The following PI4KA variants were observed in gnomAD, a reference collection of about 807,000 sequenced individuals.
PI4KA encodes PI4-kinase alpha.
PI4KA carries 122 observed loss-of-function variants against 271.4 expected under a neutral mutation model. The observed-to-expected ratio is 0.45, with a 90% confidence interval of 0.39 to 0.52. The LOEUF (loss-of-function observed/expected upper bound fraction) is 0.52, where lower values mean the gene tolerates loss of function less well. PI4KA is among the 20% of genes least tolerant of loss of function. PI4KA has a pLI of 0.00. For missense variants in PI4KA, 1,969 were observed against 2,769.1 expected (o/e 0.71, Z 6.48); for synonymous variants, 1,041 against 1,078.8 (o/e 0.96, Z 0.69).
At chr22:20,747,481 T>C in intron 29 of PI4KA, 102 bp downstream of exon 29, 1 of 1,248,942 alleles carries the variant, frequency 8.0e-7, no homozygotes, top group Non-Finnish European at 1.1e-6. Context: ...CTGCATGTAC[T>C]CATGTGCGTC....
chr22:20,831,602 C>CAAA (rs1432324213), intron 3 of PI4KA, among the ~76,000 whole-genome samples: 3 of 104,398 alleles, frequency 2.9e-5, no homozygotes, highest in Non-Finnish European at 6.1e-5. Context: ...AAAACAAAAA[C>CAAA]AAAAACAAAA....
At chr22:20,750,428 T>C (rs1374693900) in intron 27 of PI4KA, among the ~76,000 whole-genome samples, 1 of 152,348 alleles carries the variant, frequency 6.6e-6, no homozygotes, top group East Asian at 1.9e-4. Flanking sequence ...TCAAGACCTT[T>C]CAAGCTGCCC....
chr22:20,767,936 A>AATTATTATTATTATT (rs58742158), intron 19 of PI4KA, among the ~76,000 whole-genome samples: 78 of 141,542 alleles, frequency 5.5e-4, no homozygotes, highest in Non-Finnish European at 8.2e-4. Flanking sequence ...CACCTGGCCT[A>AATTATTATTATTATT]ATTATTATTA....
At chr22:20,759,402 C>CTTTTTTTT (rs886192073) in intron 23 of PI4KA, among the ~76,000 whole-genome samples, 21 of 102,898 alleles carry the variant, frequency 2.0e-4, no homozygotes, top group Admixed American at 4.5e-4. Context: ...CTTTTCTTTT[C>CTTTTTTTT]TTTTTTTTTT....
chr22:20,777,707 A>G (rs1325169253), intron 19 of PI4KA, among the ~76,000 whole-genome samples: 1 of 152,230 alleles, frequency 6.6e-6, no homozygotes. Flanking sequence ...TGTCTGAGTC[A>G]GCATTATAAA....
At chr22:20,716,457 C>A (rs1438501028) in intron 45 of PI4KA, among the ~76,000 whole-genome samples, 1 of 152,214 alleles carries the variant, frequency 6.6e-6, no homozygotes, top group Non-Finnish European at 1.5e-5. Flanking sequence ...GGGATGTGTG[C>A]TCCTTGAGCC....
At chr22:20,803,799 T>C (rs1308293821) in intron 12 of PI4KA, among the ~76,000 whole-genome samples, 1 of 152,138 alleles carries the variant, frequency 6.6e-6, no homozygotes, top group African/African-American at 2.4e-5. Context: ...ATTACAGGAG[T>C]GAGCAACCGT....
intron 19 of PI4KA, among the ~76,000 whole-genome samples, chr22:20,791,285 T>C (rs750426107): frequency 5.3e-5 from 8 of 152,236 alleles, no homozygotes; most frequent in Non-Finnish European, 1.2e-4. Flanking sequence ...GCATCCTCCC[T>C]ATCTGCCTAA....
At chr22:20,819,589 G>C in intron 6 of PI4KA, 52 bp downstream of exon 6, 1 of 1,531,206 alleles carries the variant, frequency 6.5e-7, no homozygotes, top group African/African-American at 1.4e-5. Flanking sequence ...CTTCGCAGGG[G>C]AGCTTAACAG....
intron 9 of PI4KA, among the ~76,000 whole-genome samples, chr22:20,809,738 G>A (rs1288257628): frequency 6.6e-6 from 1 of 152,174 alleles, no homozygotes; most frequent in Non-Finnish European, 1.5e-5. Flanking sequence ...TGGGCAGAAC[G>A]ACAACCTGAA....
In PI4KA at chr22:20,801,835, G is replaced by C. The variant is rs527533656; in HGVS notation, c.1724+138C>G. On this transcript the variant is annotated intron_variant, in intron 14 of 54. Transcript: ENST00000255882. ...CAGGAGGCAGAGGTAGCAGTGAGCC[G>C]AGATTGTGCCACTGCATTCCAGCCT... 11 of 898,712 alleles carry C rather than the reference G, an allele frequency of 1.2e-5. No individual in the cohort carries two copies. The South Asian group carries it at 1.7e-4, about 14-fold the overall frequency. The allele number at this position is 898,712 out of a possible 1,614,324, so 55.7% of individuals were successfully genotyped here. A position where few individuals can be genotyped will look rare whatever the true frequency, so the allele number is the denominator to read the frequency against.
At chr22:20,736,929 A>G (rs1229502876) in intron 32 of PI4KA, 2 of 153,956 alleles carry the variant, frequency 1.3e-5, no homozygotes, top group African/African-American at 4.8e-5. Flanking sequence ...TGGCAGCTAC[A>G]GTAAAGGGAG....
intron 9 of PI4KA, among the ~76,000 whole-genome samples, chr22:20,808,435 T>C (rs935722299): frequency 6.8e-6 from 1 of 147,868 alleles, no homozygotes; most frequent in Non-Finnish European, 1.5e-5. Flanking sequence ...CTTCTAAAAA[T>C]ACAAAAAATT....
intron 8 of PI4KA, among the ~76,000 whole-genome samples, chr22:20,811,705 A>T (rs1220862870): frequency 2.0e-5 from 3 of 152,012 alleles, no homozygotes; most frequent in Non-Finnish European, 4.4e-5. Context: ...AGGAAAAGAA[A>T]TGAAAAACCG....
intron 42 of PI4KA, 142 bp downstream of exon 42, chr22:20,726,345 TA>T (rs914254378): frequency 8.1e-5 from 48 of 589,734 alleles, no homozygotes; most frequent in African/African-American, 7.8e-4. Context: ...GGGCCTGGGG[TA>T]GGGGGAGCAA....
intron 18 of PI4KA, 50 bp from the exon 19 acceptor site, chr22:20,793,293 T>TAAA (rs757768785): frequency 1.4e-5 from 12 of 828,620 alleles, no homozygotes; most frequent in Admixed American, 2.3e-5. Flanking sequence ...TTTCTTTTAT[T>TAAA]AAAAAAAAAA....
rs1378092772 is a variant in PI4KA at position 20,744,603 on chromosome 22, T to G, written c.3456+25A>C. On this transcript the variant is annotated intron_variant, in intron 30 of 54. Coordinates refer to ENST00000255882, the MANE Select transcript of PI4KA (RefSeq NM_058004.4). ...AAACAAGAGGACACGTTAAAGGCCC[T>G]AGGGCGCAAGGACAAGAGAAGCACC... 5 of 1,586,432 alleles carry G rather than the reference T, an allele frequency of 3.2e-6. No homozygotes were observed. In the East Asian group the frequency reaches 8.9e-5, roughly 28 times the overall value.
At chr22:20,824,585 T>G (rs1156973003) in intron 3 of PI4KA, among the ~76,000 whole-genome samples, 171 bp from the exon 4 acceptor site, 1 of 152,160 alleles carries the variant, frequency 6.6e-6, no homozygotes, top group Non-Finnish European at 1.5e-5. Context: ...CCCAATGAGT[T>G]TGCTGAGAAA....
At chr22:20,798,442 T>A (rs165682) in intron 17 of PI4KA, 142 bp downstream of exon 17, 2 of 650,184 alleles carry the variant, frequency 3.1e-6, no homozygotes, top group East Asian at 2.7e-5. Flanking sequence ...GGTTTTCACT[T>A]CCCCCCTTAT....
Sources: allele counts gnomAD v4.1 joint callset (sites outside exome capture counted in the v4.1 genomes callset), GRCh38; gene constraint gnomAD v4.1.1; transcripts MANE v1.5; gene names NCBI Gene and HGNC (gene_info 2026-07-23, HGNC 2026-07-21).